KCNQ1: variants seen among roughly 807,000 people sequenced by gnomAD.
KCNQ1 encodes potassium voltage-gated channel subfamily KQT member 1.
In KCNQ1, 49 loss-of-function variants were observed where a neutral mutation model predicts 72.4. The ratio of observed to expected loss-of-function variants is 0.68; its 90% CI spans 0.54 to 0.86. KCNQ1 has a LOEUF of 0.86. Among genes scored for constraint, KCNQ1 ranks in the 40% least tolerant of loss-of-function variants. KCNQ1 has a pLI of 0.00. For missense variants in KCNQ1, 790 were observed against 945.1 expected (o/e 0.84, Z 2.15); for synonymous variants, 450 against 412.6 (o/e 1.09, Z -1.10).
Position 2,567,426 on chromosome 11 carries a change from C to T in KCNQ1, c.478-3202C>T, listed in dbSNP as rs751076242. ...GAATCAGGGGTGGGCCATGGCATGG[C>T]GTGGGGGACCAGCCCTCCTCCCTGT... On this transcript the variant is annotated intron_variant, in intron 2 of 15. Transcript: ENST00000155840. The surrounding 1 kb of genome is among the most constrained non-coding windows in gnomAD (Gnocchi z 6.6). Among the ~76,000 whole-genome samples, 1 of 152,064 alleles carries T rather than the reference C, an allele frequency of 6.6e-6. No individual in the cohort carries two copies.
At chr11:2,555,544 C>T (rs528681656) in intron 2 of KCNQ1, among the ~76,000 whole-genome samples, 4 of 152,230 alleles carry the variant, frequency 2.6e-5, no homozygotes, top group African/African-American at 9.6e-5. Context: ...TGGGCTCCCC[C>T]ACCACAAATT....
rs760909116 is a variant in KCNQ1 at position 2,516,198 on chromosome 11, C to T, written c.387-11730C>T. ...GACCCGGAGTCCAGTTCTCGCCAAC[C>T]GCTCGATGCTGTGTGACTTGAGGCA... On this transcript the variant is annotated intron_variant, in intron 1 of 15. Transcript: ENST00000155840. The surrounding 1 kb of genome is among the most constrained non-coding windows in gnomAD (Gnocchi z 7.0). Among the ~76,000 whole-genome samples the T allele has an allele frequency of 5.6e-4, 85 of 152,164 alleles. 1 individual carries two copies. Among genetic ancestry groups the T allele is most frequent in the Non-Finnish European group, 1.0e-3 (71 of 68,010 alleles).
chr11:2,655,430 C>T, intron 10 of KCNQ1: 1 of 398,758 alleles, frequency 2.5e-6, no homozygotes, highest in Non-Finnish European at 4.4e-6. Context: ...GGGCCAGCCA[C>T]TCTAGGCAGT....
In KCNQ1 at chr11:2,495,429, TG is replaced by T. The variant is rs1846895520; in HGVS notation, c.387-32496del. On this transcript the variant is annotated intron_variant, in intron 1 of 15. Coordinates refer to ENST00000155840, the MANE Select transcript of KCNQ1 (RefSeq NM_000218.3). The surrounding 1 kb of genome is among the most constrained non-coding windows in gnomAD (Gnocchi z 4.6). ...CTCTAGTTCTTTTAATTGTGATGTT[TG>T]GGTGTCGATTTCAGATCTCTCTAGC... Among the ~76,000 whole-genome samples the T allele has an allele frequency of 6.6e-6, 1 of 152,144 alleles. No individual in the cohort carries two copies.
Position 2,549,502 on chromosome 11 carries a change from C to T in KCNQ1, c.478-21126C>T, listed in dbSNP as rs570883323. ...GCCCTCGAGGAGGGTCCCCCGGGGG[C>T]TGCAAAAGCAGAGGGAGTGGAGTGT... On this transcript the variant is annotated intron_variant, in intron 2 of 15. Coordinates refer to ENST00000155840, the MANE Select transcript of KCNQ1 (RefSeq NM_000218.3). The surrounding 1 kb of genome is among the most constrained non-coding windows in gnomAD (Gnocchi z 6.2). 1.3e-5 allele frequency among the ~76,000 whole-genome samples: 2 copies of T among 152,274 alleles called. No homozygotes were observed. Among genetic ancestry groups the T allele is most frequent in the East Asian group, 3.9e-4 (2 of 5,170 alleles).
At chr11:2,700,036 CCGACGTGG>C (rs1285610673) in intron 11 of KCNQ1, 14 of 398,070 alleles carry the variant, frequency 3.5e-5, no homozygotes, top group Non-Finnish European at 6.2e-5. Flanking sequence ...CCCGCCGCTG[CCGACGTGG>C]CGACCGCCCC....
chr11:2,819,021 C>A (rs1366512863), intron 15 of KCNQ1, among the ~76,000 whole-genome samples: 1 of 152,212 alleles, frequency 6.6e-6, no homozygotes. Context: ...CCTCTCCAGC[C>A]CCTTTGAAAA....
chr11:2,828,356 A>G lies in KCNQ1; in HGVS notation c.1795-19411A>G, dbSNP rs1847881042. 6.6e-6 allele frequency among the ~76,000 whole-genome samples: 1 copy of G among 152,224 alleles called. No individual in the cohort carries two copies. ...TATTTCAGCTTCTTTGAATCCCACT[A>G]AGGTGACAGTAAAGGCATGAAAAAC... is the stretch of plus-strand genomic sequence containing the variant. On this transcript the variant is annotated intron_variant, in intron 15 of 15. Transcript: ENST00000155840. The surrounding 1 kb of genome is among the most constrained non-coding windows in gnomAD (Gnocchi z 5.3).
rs1488301170 is a variant in KCNQ1, at chr11:2,830,328, G to T, written c.1795-17439G>T. Among the ~76,000 whole-genome samples, 2 of 152,054 alleles carry T rather than the reference G, an allele frequency of 1.3e-5. No homozygotes were observed. Among genetic ancestry groups the T allele is most frequent in the Admixed American group, 1.3e-4 (2 of 15,274 alleles). ...CACCTTTAGCAAGGGTTGACAGAGG[G>T]ATCTGGGCTCTTCCCTGGGCAGGCA... On this transcript the variant is annotated intron_variant, in intron 15 of 15. Transcript: ENST00000155840. This position sits in a 1 kb window ranked among gnomAD's most constrained non-coding sequence, Gnocchi z 7.7.
rs1406459950 is a variant in KCNQ1 at position 2,484,745 on chromosome 11, C to A, written c.386+39261C>A. Among the ~76,000 whole-genome samples, 1 of 152,228 alleles carries A rather than the reference C, an allele frequency of 6.6e-6. No homozygotes were observed. The highest frequency in any genetic ancestry group is 2.4e-5 in the African/African-American group (1 of 41,452). On this transcript the variant is annotated intron_variant, in intron 1 of 15. Coordinates refer to ENST00000155840, the MANE Select transcript of KCNQ1 (RefSeq NM_000218.3). This position sits in a 1 kb window ranked among gnomAD's most constrained non-coding sequence, Gnocchi z 5.2. The stretch of plus-strand genomic sequence containing the variant: ...CACTGTGGACCTGCTGCTCTGCGCC[C>A]ACTCGGCCGACGGAGCTGGGGAATA...
In KCNQ1 at chr11:2,734,324, C is replaced by T. The variant is rs527591493; in HGVS notation, c.1515-34520C>T. Among the ~76,000 whole-genome samples the T allele has an allele frequency of 5.3e-5, 8 of 152,346 alleles. No individual in the cohort carries two copies. Among genetic ancestry groups the T allele is most frequent in the East Asian group, 1.9e-4 (1 of 5,180 alleles). On this transcript the variant is annotated intron_variant, in intron 11 of 15. Coordinates refer to ENST00000155840, the MANE Select transcript of KCNQ1 (RefSeq NM_000218.3). The surrounding 1 kb of genome is among the most constrained non-coding windows in gnomAD (Gnocchi z 7.0). ...AAGGCGCCTAGAAGGCTGGACTTTC[C>T]GTGAGGTGGCGGGGAGCACCAAGGG...
chr11:2,532,538 G>A (rs1217189863), intron 2 of KCNQ1, among the ~76,000 whole-genome samples: 1 of 152,226 alleles, frequency 6.6e-6, no homozygotes, highest in Non-Finnish European at 1.5e-5. Flanking sequence ...AGGCAGCCGT[G>A]GGCCTGGCCT....
At position 2,481,352 on chromosome 11, in the gene KCNQ1, T is replaced by G. The variant is rs11022998; in HGVS notation, c.386+35868T>G. ...TTTCCTGCTAGTCTTTTTCTCGGCG[T>G]GTGTGTGTGCGCGCGTGCATGCACA... On this transcript the variant is annotated intron_variant, in intron 1 of 15. Transcript: ENST00000155840. This position sits in a 1 kb window ranked among gnomAD's most constrained non-coding sequence, Gnocchi z 4.6. 0.42 allele frequency among the ~76,000 whole-genome samples: 63,339 copies of G among 152,008 alleles called. 15,938 individuals are homozygous for G. The highest frequency in any genetic ancestry group is 0.58 in the Non-Finnish European group (39,463 of 67,956).
chr11:2,836,107 G>T (rs1848062098), intron 15 of KCNQ1, among the ~76,000 whole-genome samples: 2 of 152,188 alleles, frequency 1.3e-5, no homozygotes, highest in African/African-American at 4.8e-5. Context: ...TTAGCAGAAG[G>T]TAAAGATGAG....
intron 11 of KCNQ1, among the ~76,000 whole-genome samples, chr11:2,758,871 T>C (rs1846343720): frequency 6.6e-6 from 1 of 152,130 alleles, no homozygotes; most frequent in African/African-American, 2.4e-5. Flanking sequence ...GATCAGATGG[T>C]GGTTCCTGGG....
At position 2,493,455 on chromosome 11, in the gene KCNQ1, G is replaced by A. The variant is rs1266691605; in HGVS notation, c.387-34473G>A. 6.6e-6 allele frequency among the ~76,000 whole-genome samples: 1 copy of A among 152,116 alleles called. No homozygotes were observed. The highest frequency in any genetic ancestry group is 1.5e-5 in the Non-Finnish European group (1 of 68,016). ...CTATGTCCTGAATGGTATTGCCTGG[G>A]TATTCTTCTAGGGTTTCCGTGGTTT... On this transcript the variant is annotated intron_variant, in intron 1 of 15. Transcript: ENST00000155840. The surrounding 1 kb of genome is among the most constrained non-coding windows in gnomAD (Gnocchi z 5.3).
At chr11:2,714,798 A>C (rs777845224) in intron 11 of KCNQ1, among the ~76,000 whole-genome samples, 4 of 152,068 alleles carry the variant, frequency 2.6e-5, no homozygotes, top group Non-Finnish European at 4.4e-5. Context: ...CATCTTTCCA[A>C]TGGTGGCATC....
intron 10 of KCNQ1, chr11:2,640,414 T>C (rs1341106851): frequency 1.3e-5 from 5 of 398,516 alleles, no homozygotes; most frequent in African/African-American, 8.2e-5. Flanking sequence ...ACCCCTCAAG[T>C]AGCTGGGACT....
At chr11:2,811,889 T>G (rs1368427628) in intron 15 of KCNQ1, among the ~76,000 whole-genome samples, 1 of 152,196 alleles carries the variant, frequency 6.6e-6, no homozygotes, top group Non-Finnish European at 1.5e-5. Flanking sequence ...TACAGTTTCC[T>G]GAGCTCCCGA....
Sources: gnomAD v4.1 joint callset for allele counts (sites outside exome capture counted in the v4.1 genomes callset) on GRCh38, gnomAD v4.1.1 for gene constraint, Gnocchi (gnomAD v3.1) non-coding constraint, MANE v1.5 for transcripts, NCBI Gene and HGNC (gene_info 2026-07-23, HGNC 2026-07-21) for gene names.